ROBO2: variants seen among roughly 807,000 people sequenced by gnomAD.
The protein encoded by ROBO2 is roundabout homolog 2.
Under a neutral mutation model 160.8 loss-of-function variants are expected in ROBO2, and 53 were observed. The observed-to-expected ratio is 0.33, with a 90% CI of 0.26 to 0.41. ROBO2 has a LOEUF of 0.41. ROBO2 is among the 10% of genes least tolerant of loss of function. ROBO2 has a pLI of 1.00. For missense variants in ROBO2, 1,577 were observed against 1,722.4 expected (o/e 0.92, Z 1.49); for synonymous variants, 664 against 611.7 (o/e 1.09, Z -1.26).
intron 2 of ROBO2, among the ~76,000 whole-genome samples, chr3:76,498,659 A>G (rs547352712): frequency 6.7e-6 from 1 of 149,964 alleles, no homozygotes; most frequent in African/African-American, 2.4e-5. Flanking sequence ...CCAAACATAC[A>G]TCTGCTTCTT....
intron 2 of ROBO2, among the ~76,000 whole-genome samples, chr3:77,228,093 T>C (rs1448910218): frequency 6.6e-6 from 1 of 152,202 alleles, no homozygotes; most frequent in Non-Finnish European, 1.5e-5. Flanking sequence ...AGATGCTTCT[T>C]TAGAGAAACA....
Position 77,329,970 on chromosome 3 carries a change from G to A in ROBO2, c.389-147444G>A, listed in dbSNP as rs537797674. 1.4e-4 allele frequency among the ~76,000 whole-genome samples: 22 copies of A among 152,210 alleles called. No individual in the cohort carries two copies. In the South Asian group the frequency reaches 4.3e-3, roughly 30 times the overall value. On this transcript the variant is annotated intron_variant, in intron 2 of 25. Transcript: ENST00000461745. ...TTGGAGATGATGGAAGCTCAATAAA[G>A]CCAAAAAACATGAACTTCACCATTA...
intron 2 of ROBO2, among the ~76,000 whole-genome samples, chr3:77,191,494 C>G (rs1227442220): frequency 1.3e-5 from 2 of 152,158 alleles, no homozygotes; most frequent in Non-Finnish European, 2.9e-5. Context: ...ATACATTAAA[C>G]TTGTATACCA....
chr3:77,135,280 C>T (rs2076188202), intron 2 of ROBO2, among the ~76,000 whole-genome samples: 1 of 152,212 alleles, frequency 6.6e-6, no homozygotes, highest in African/African-American at 2.4e-5. Context: ...CAAAGAGCCA[C>T]ATGCTACCTT....
intron 1 of ROBO2, among the ~76,000 whole-genome samples, chr3:75,929,378 A>G (rs1406073654): frequency 2.0e-5 from 3 of 152,210 alleles, no homozygotes; most frequent in African/African-American, 7.2e-5. Flanking sequence ...AGAATTTACT[A>G]AGCTGCAGGA....
intron 5 of ROBO2, among the ~76,000 whole-genome samples, chr3:77,499,604 T>G (rs960667509): frequency 2.6e-5 from 4 of 151,620 alleles, no homozygotes; most frequent in African/African-American, 9.7e-5. Flanking sequence ...CCATATGATT[T>G]CCATAGAAAC....
At chr3:77,356,012 G>A (rs777724021) in intron 2 of ROBO2, among the ~76,000 whole-genome samples, 8 of 151,760 alleles carry the variant, frequency 5.3e-5, no homozygotes, top group Non-Finnish European at 1.0e-4. Context: ...GCTTATTCTC[G>A]TTACTTTTTG....
rs1225917251 is a variant in ROBO2 at position 76,622,221 on chromosome 3, AG to A, written c.110-475791del. Among the ~76,000 whole-genome samples, 25 of 52,202 alleles carry A rather than the reference AG, an allele frequency of 4.8e-4. 1 individual carries two copies. The highest frequency in any genetic ancestry group is 1.8e-3 in the African/African-American group (20 of 11,232). 34.2% of individuals were successfully genotyped at this position (52,202 alleles called of 152,430 possible). A position where few individuals can be genotyped will look rare whatever the true frequency, so the allele number is the denominator to read the frequency against. ...AAGGAAGGAAGGAAGGAAGGAAGGAAGGAAGGAAGGAAGGAAGAAAGAAAGA... is the reference window on the plus strand; with the variant it reads ...AAGGAAGGAAGGAAGGAAGGAAGGAAGAAGGAAGGAAGGAAGAAAGAAAGA... On this transcript the variant is annotated intron_variant, in intron 2 of 26. Transcript: ENST00000487694.
chr3:76,853,948 C>T (rs2069703216), intron 2 of ROBO2, among the ~76,000 whole-genome samples: 1 of 151,594 alleles, frequency 6.6e-6, no homozygotes. Flanking sequence ...CAGAGGAAAT[C>T]ATTGCTTTGA....
chr3:76,230,338 T>C (rs1704546959), intron 2 of ROBO2, among the ~76,000 whole-genome samples: 1 of 152,156 alleles, frequency 6.6e-6, no homozygotes, highest in Non-Finnish European at 1.5e-5. Context: ...ATGGCTTTCC[T>C]TTACATAGCA....
chr3:75,906,892 G>C (rs569747756), exon 1 of ROBO2: 21 of 152,430 alleles, frequency 1.4e-4, no homozygotes, highest in African/African-American at 4.8e-4. Context: ...TCACACGGAC[G>C]CTGCGGAGCT....
chr3:76,454,303 C>A (rs1166236931), intron 2 of ROBO2, among the ~76,000 whole-genome samples: 1 of 152,072 alleles, frequency 6.6e-6, no homozygotes, highest in Non-Finnish European at 1.5e-5. Flanking sequence ...GTTATTGGGT[C>A]AAAACTTACT....
intron 2 of ROBO2, among the ~76,000 whole-genome samples, chr3:77,262,001 T>C (rs376888199): frequency 5.6e-4 from 85 of 152,200 alleles, no homozygotes; most frequent in African/African-American, 1.9e-3. Flanking sequence ...CTTAAATTGA[T>C]TGATGTATTC....
chr3:76,654,913 G>A (rs1352135575), intron 2 of ROBO2, among the ~76,000 whole-genome samples: 9 of 74,182 alleles, frequency 1.2e-4, no homozygotes, highest in African/African-American at 3.4e-4. Flanking sequence ...ATATGTGTGT[G>A]TATATATATA....
rs147034300 is a variant in ROBO2, at chr3:77,560,646, C to T, written c.1438-2005C>T. Among the ~76,000 whole-genome samples the T allele has an allele frequency of 5.7e-4, 87 of 152,072 alleles. 1 individual carries two copies. The East Asian group carries it at 0.012, about 20-fold the overall frequency. On this transcript the variant is annotated intron_variant, in intron 9 of 25. Coordinates refer to ENST00000461745, the Ensembl canonical transcript of ROBO2. ...ATAATGTGATGAATACTGTGTTCTT[C>T]TAGGCCAGCTAATTGGTAACTGAAT...
chr3:76,988,116 T>C (rs1318327139), intron 2 of ROBO2, among the ~76,000 whole-genome samples: 1 of 152,218 alleles, frequency 6.6e-6, no homozygotes, highest in Non-Finnish European at 1.5e-5. Context: ...CATTACACCA[T>C]TGTTCATCTT....
At chr3:76,720,755 T>C (rs251552) in intron 2 of ROBO2, among the ~76,000 whole-genome samples, 71,691 of 152,006 alleles carry the variant, frequency 0.47, 17,344 homozygotes, top group Non-Finnish European at 0.53. Context: ...ATTTAGGAGA[T>C]TAGCGATTTG....
At chr3:76,968,769 GA>G (rs1248945843) in intron 2 of ROBO2, among the ~76,000 whole-genome samples, 1 of 152,134 alleles carries the variant, frequency 6.6e-6, no homozygotes, top group Non-Finnish European at 1.5e-5. Flanking sequence ...TCTCATCAAT[GA>G]TTGATGGATA....
At chr3:76,517,981 A>G (rs1420213196) in intron 2 of ROBO2, among the ~76,000 whole-genome samples, 1 of 151,904 alleles carries the variant, frequency 6.6e-6, no homozygotes, top group Non-Finnish European at 1.5e-5. Context: ...TCCTTTTTTT[A>G]TATTAAAAAA....
Sources: gnomAD v4.1 joint callset for allele counts (sites outside exome capture counted in the v4.1 genomes callset) on GRCh38, gnomAD v4.1.1 for gene constraint, MANE v1.5 for transcripts, NCBI Gene and HGNC (gene_info 2026-07-23, HGNC 2026-07-21) for gene names.